Variants in ERC2 observed in about 807,000 individuals in gnomAD.
ERC2 encodes the protein ELKS/RAB6-interacting/CAST family member 2.
ERC2 carries 42 observed loss-of-function variants against 114.8 expected under a neutral mutation model. The observed-to-expected ratio is 0.37, with a 90% CI of 0.29 to 0.47. ERC2 has a LOEUF of 0.47. ERC2 is among the 20% of genes least tolerant of loss of function. The pLI is 0.99. For missense variants in ERC2, 939 were observed against 1,150.7 expected (o/e 0.82, Z 2.66); for synonymous variants, 454 against 425.5 (o/e 1.07, Z -0.82).
intron 1 of ERC2, among the ~76,000 whole-genome samples, chr3:56,460,835 T>C (rs1045516186): frequency 6.6e-6 from 1 of 152,052 alleles, no homozygotes; most frequent in Non-Finnish European, 1.5e-5. Context: ...AAAAGCAACA[T>C]GGCGGCCTAG....
intron 14 of ERC2, among the ~76,000 whole-genome samples, chr3:55,792,618 T>C (rs149932558): frequency 2.0e-4 from 31 of 152,210 alleles, no homozygotes; most frequent in African/African-American, 7.5e-4. Context: ...AAGGTGAATA[T>C]GCAATGACCA....
chr3:55,762,137 A>G (rs1447939076), intron 14 of ERC2, among the ~76,000 whole-genome samples: 1 of 152,284 alleles, frequency 6.6e-6, no homozygotes, highest in East Asian at 1.9e-4. Flanking sequence ...TCTTTATAGC[A>G]GTGTGAAAAC....
intron 3 of ERC2, among the ~76,000 whole-genome samples, chr3:56,192,627 C>A (rs2047860260): frequency 6.6e-6 from 1 of 152,244 alleles, no homozygotes; most frequent in Middle Eastern, 3.4e-3. Context: ...AACACAGAGA[C>A]CATGCTTTCT....
intron 17 of ERC2, among the ~76,000 whole-genome samples, chr3:55,577,710 C>A (rs188287183): frequency 2.7e-4 from 41 of 152,280 alleles, no homozygotes; most frequent in Admixed American, 2.5e-3. Flanking sequence ...GGAGAGGAAC[C>A]TGCTAGGTGG....
chr3:55,805,218 A>G (rs930243543), intron 14 of ERC2, among the ~76,000 whole-genome samples: 8 of 151,880 alleles, frequency 5.3e-5, no homozygotes, highest in Admixed American at 4.6e-4. Flanking sequence ...TTTAATTTTT[A>G]TTACCTTGTC....
At chr3:56,419,049 C>G (rs2107205185) in intron 2 of ERC2, among the ~76,000 whole-genome samples, 1 of 152,334 alleles carries the variant, frequency 6.6e-6, no homozygotes, top group African/African-American at 2.4e-5. Flanking sequence ...CTGCTTCATT[C>G]CTTATTCACA....
chr3:56,199,949 A>G (rs1343704351), intron 3 of ERC2, among the ~76,000 whole-genome samples: 1 of 152,132 alleles, frequency 6.6e-6, no homozygotes, highest in Non-Finnish European at 1.5e-5. Context: ...GATGCAGAGG[A>G]GTCAAATGGC....
chr3:55,928,777 A>C (rs929310073), intron 13 of ERC2, among the ~76,000 whole-genome samples: 17 of 152,186 alleles, frequency 1.1e-4, no homozygotes, highest in African/African-American at 4.1e-4. Flanking sequence ...TTTTGATTTG[A>C]TTTTTGTATA....
At chr3:55,791,389 T>C (rs1470166767) in intron 14 of ERC2, among the ~76,000 whole-genome samples, 2 of 152,180 alleles carry the variant, frequency 1.3e-5, no homozygotes, top group Non-Finnish European at 1.5e-5. Flanking sequence ...TGGAGATATG[T>C]ATGTGTGTAT....
rs1205388809 is a variant in ERC2, at chr3:56,019,008, A to G, written c.1665T>C (p.Leu555=). 3 of 1,611,642 alleles carry G rather than the reference A, an allele frequency of 1.9e-6. No homozygotes were observed. Among genetic ancestry groups the G allele is most frequent in the African/African-American group, 2.7e-5 (2 of 74,898 alleles). The stretch of plus-strand genomic sequence containing the variant: ...TGGTCAGTTGCTTGTCTTTATCCCT[A>G]AGTTGTTCTTGCAAGTTTTCAATCT... ...QKKIENLQEQ[L]RDKDKQLTNL... Residue 555 remains leucine, a synonymous_variant, in exon 8 of 18, where the codon CTT becomes CTC. Transcript: ENST00000288221.
At chr3:56,400,339 A>G (rs2060475149) in intron 2 of ERC2, among the ~76,000 whole-genome samples, 1 of 152,160 alleles carries the variant, frequency 6.6e-6, no homozygotes, top group Non-Finnish European at 1.5e-5. Context: ...ACAGAAATAG[A>G]AACACTATTC....
chr3:56,138,321 A>G (rs2080644267), intron 6 of ERC2, among the ~76,000 whole-genome samples: 1 of 152,060 alleles, frequency 6.6e-6, no homozygotes, highest in Non-Finnish European at 1.5e-5. Context: ...TGGCCTCCCA[A>G]AGTGTTGGGA....
At chr3:55,639,544 G>T (rs1218979294) in intron 17 of ERC2, among the ~76,000 whole-genome samples, 1 of 152,184 alleles carries the variant, frequency 6.6e-6, no homozygotes, top group East Asian at 1.9e-4. Flanking sequence ...AGAAATAGTT[G>T]TTGAATCAAT....
At chr3:56,329,709 C>A (rs1363326646) in intron 2 of ERC2, among the ~76,000 whole-genome samples, 2 of 152,038 alleles carry the variant, frequency 1.3e-5, no homozygotes, top group African/African-American at 4.8e-5. Context: ...ATCACAGGAA[C>A]AACTTTAGAC....
intron 2 of ERC2, among the ~76,000 whole-genome samples, chr3:56,372,069 A>G (rs1215575031): frequency 6.6e-6 from 1 of 152,200 alleles, no homozygotes; most frequent in East Asian, 1.9e-4. Context: ...ATGTTGCTTG[A>G]TGGGAAAGAG....
At chr3:56,353,807 AAT>A (rs35237655) in intron 2 of ERC2, among the ~76,000 whole-genome samples, 45,404 of 147,794 alleles carry the variant, frequency 0.31, 7,048 homozygotes, top group Admixed American at 0.34. Context: ...CGTATAATAA[AAT>A]ATATATATAT....
At chr3:55,745,859 T>A (rs1575463843) in intron 14 of ERC2, among the ~76,000 whole-genome samples, 1 of 152,192 alleles carries the variant, frequency 6.6e-6, no homozygotes, top group African/African-American at 2.4e-5. Flanking sequence ...TCCAATCAAT[T>A]ATTTTTTTCT....
intron 3 of ERC2, among the ~76,000 whole-genome samples, chr3:56,210,206 T>A (rs1213220717): frequency 5.3e-5 from 8 of 152,214 alleles, no homozygotes; most frequent in Admixed American, 6.5e-5. Context: ...GGGATTCTAG[T>A]CAGTTGCTAT....
intron 6 of ERC2, among the ~76,000 whole-genome samples, chr3:56,102,066 G>T (rs9862215): frequency 6.6e-6 from 1 of 152,066 alleles, no homozygotes; most frequent in Non-Finnish European, 1.5e-5. Flanking sequence ...ATGTTCTTAC[G>T]CTCATATTTT....
Sources: allele counts gnomAD v4.1 joint callset (sites outside exome capture counted in the v4.1 genomes callset), GRCh38; gene constraint gnomAD v4.1.1; transcripts MANE v1.5; gene names NCBI Gene and HGNC (gene_info 2026-07-23, HGNC 2026-07-21).